Variants in DOCK3 observed in about 807,000 individuals in gnomAD.
The protein encoded by DOCK3 is dedicator of cytokinesis protein 3.
Under a neutral mutation model 265.6 loss-of-function variants are expected in DOCK3, and 60 were observed. That is an observed-to-expected ratio of 0.23 (90% CI 0.18 to 0.28). DOCK3 has a LOEUF of 0.28. Among genes scored for constraint, DOCK3 ranks in the 10% least tolerant of loss-of-function variants. The pLI is 1.00. For missense variants in DOCK3, 1,981 were observed against 2,594.3 expected (o/e 0.76, Z 5.14); for synonymous variants, 881 against 938.0 (o/e 0.94, Z 1.11).
At chr3:51,093,705 T>C (rs747154824) in intron 9 of DOCK3, among the ~76,000 whole-genome samples, 4 of 152,216 alleles carry the variant, frequency 2.6e-5, no homozygotes, top group African/African-American at 7.2e-5. Flanking sequence ...TCTAATACTA[T>C]GTTGAATAGG....
intron 2 of DOCK3, among the ~76,000 whole-genome samples, chr3:50,786,429 A>C (rs2042188503): frequency 6.6e-6 from 1 of 152,144 alleles, no homozygotes; most frequent in African/African-American, 2.4e-5. Context: ...CTGTTGTTTC[A>C]GTGACAACCA....
intron 4 of DOCK3, among the ~76,000 whole-genome samples, chr3:50,893,931 T>C (rs771929257): frequency 1.2e-4 from 16 of 133,592 alleles, no homozygotes; most frequent in African/African-American, 3.7e-4. Flanking sequence ...AATGAGAACA[T>C]TGGGACACAG....
At chr3:51,145,377 C>G (rs189518731) in intron 9 of DOCK3, among the ~76,000 whole-genome samples, 1 of 152,172 alleles carries the variant, frequency 6.6e-6, no homozygotes, top group East Asian at 1.9e-4. Flanking sequence ...TATCCCTCCC[C>G]ACTCCGCCTA....
intron 31 of DOCK3, among the ~76,000 whole-genome samples, chr3:51,314,273 A>G (rs984219806): frequency 6.6e-6 from 1 of 152,194 alleles, no homozygotes; most frequent in Non-Finnish European, 1.5e-5. Flanking sequence ...CACACTTACC[A>G]TGGAAATGCT....
chr3:50,716,101 T>C (rs75978636), intron 1 of DOCK3, among the ~76,000 whole-genome samples: 4,104 of 152,140 alleles, frequency 0.027, 71 homozygotes, highest in South Asian at 0.046. Flanking sequence ...TGGTACAGTT[T>C]TGATATACTC....
At chr3:51,368,419 A>C (rs1480272490) in intron 49 of DOCK3, among the ~76,000 whole-genome samples, 1 of 152,158 alleles carries the variant, frequency 6.6e-6, no homozygotes, top group African/African-American at 2.4e-5. Context: ...CCTGCGCCTG[A>C]CTCAGGGGAT....
intron 12 of DOCK3, among the ~76,000 whole-genome samples, chr3:51,186,336 G>A (rs1042197281): frequency 1.3e-5 from 2 of 152,140 alleles, no homozygotes; most frequent in South Asian, 2.1e-4. Flanking sequence ...TAGGGTATCT[G>A]GTGGAGGAAA....
intron 1 of DOCK3, among the ~76,000 whole-genome samples, chr3:50,691,365 T>A (rs1302095545): frequency 2.6e-5 from 4 of 152,128 alleles, no homozygotes; most frequent in African/African-American, 9.7e-5. Flanking sequence ...GTCTTCAGGG[T>A]TTATCCATGG....
chr3:50,686,358 T>C (rs2034797891), intron 1 of DOCK3, among the ~76,000 whole-genome samples: 1 of 152,232 alleles, frequency 6.6e-6, no homozygotes, highest in Non-Finnish European at 1.5e-5. Flanking sequence ...TTGACTCTAA[T>C]CCAGAATGTA....
intron 9 of DOCK3, among the ~76,000 whole-genome samples, chr3:51,126,016 A>G (rs2084249385): frequency 6.6e-6 from 1 of 152,244 alleles, no homozygotes; most frequent in Admixed American, 6.5e-5. Flanking sequence ...AACAATGAAT[A>G]GGAAAACACT....
At chr3:51,220,687 A>ATATGTGTGTG (rs1553797700) in intron 14 of DOCK3, among the ~76,000 whole-genome samples, 1 of 67,588 alleles carries the variant, frequency 1.5e-5, no homozygotes, top group Non-Finnish European at 2.8e-5. Context: ...ATATATATAT[A>ATATGTGTGTG]TGTGTGTGTG....
intron 5 of DOCK3, among the ~76,000 whole-genome samples, chr3:51,019,076 T>C (rs962288862): frequency 1.3e-5 from 2 of 151,898 alleles, no homozygotes; most frequent in Non-Finnish European, 2.9e-5. Flanking sequence ...GGGTTCTTGC[T>C]ATGTTGCCTA....
At chr3:50,882,971 G>T (rs951101352) in intron 3 of DOCK3, among the ~76,000 whole-genome samples, 5 of 152,068 alleles carry the variant, frequency 3.3e-5, no homozygotes, top group Admixed American at 2.6e-4. Flanking sequence ...TTTGGAGGGA[G>T]ATGGATGAAG....
At chr3:50,965,631 C>G (rs2077005600) in intron 5 of DOCK3, among the ~76,000 whole-genome samples, 1 of 152,024 alleles carries the variant, frequency 6.6e-6, no homozygotes, top group Admixed American at 6.6e-5. Flanking sequence ...ATATATCTAT[C>G]AAATAAAACT....
chr3:51,024,434 A>G (rs530356074), intron 5 of DOCK3, among the ~76,000 whole-genome samples: 3 of 152,286 alleles, frequency 2.0e-5, no homozygotes, highest in South Asian at 2.1e-4. Flanking sequence ...GTAATACCCA[A>G]TGGTGGGCAG....
At chr3:51,134,280 C>CT (rs1263698104) in intron 9 of DOCK3, among the ~76,000 whole-genome samples, 20 of 152,070 alleles carry the variant, frequency 1.3e-4, no homozygotes, top group Admixed American at 9.2e-4. Flanking sequence ...ATTTATATTC[C>CT]TTTGGGTATA....
intron 1 of DOCK3, among the ~76,000 whole-genome samples, chr3:50,688,838 C>T (rs367557297): frequency 6.6e-6 from 1 of 152,144 alleles, no homozygotes; most frequent in East Asian, 1.9e-4. Context: ...GCTGTCTCAT[C>T]ATTGAGTCTT....
At position 51,183,086 on chromosome 3, in the gene DOCK3, C is replaced by T. The variant is rs114669112; in HGVS notation, c.1037+22384C>T. 8.1e-3 allele frequency among the ~76,000 whole-genome samples: 1,237 copies of T among 152,324 alleles called. 16 individuals are homozygous for T. The highest frequency in any genetic ancestry group is 0.028 in the African/African-American group (1,173 of 41,568). On this transcript the variant is annotated intron_variant, in intron 12 of 52. Coordinates refer to ENST00000266037, the MANE Select transcript of DOCK3 (RefSeq NM_004947.5). ...ACCCTAATTCCCAGACTTTCTCCATCTGCCACTTCCTGTGTGGCCCTTTGT... is the reference window on the plus strand; with the variant it reads ...ACCCTAATTCCCAGACTTTCTCCATTTGCCACTTCCTGTGTGGCCCTTTGT...
chr3:50,724,727 C>T lies in DOCK3; in HGVS notation c.37+49427C>T, dbSNP rs759312700. ...GGGAGGGATAGCATTAGGAGAAATA[C>T]GTAATGTAAGTGACAAGTTGATGGG... On this transcript the variant is annotated intron_variant, in intron 1 of 52. Transcript: ENST00000266037. 1.4e-4 allele frequency among the ~76,000 whole-genome samples: 22 copies of T among 152,130 alleles called. No individual in the cohort carries two copies. In the Middle Eastern group the frequency reaches 0.01, roughly 71 times the overall value.
Sources: allele counts gnomAD v4.1 joint callset (sites outside exome capture counted in the v4.1 genomes callset), GRCh38; gene constraint gnomAD v4.1.1; transcripts MANE v1.5; gene names NCBI Gene and HGNC (gene_info 2026-07-23, HGNC 2026-07-21).